DRC8: variants seen among roughly 807,000 people sequenced by gnomAD.
DRC8 encodes the protein dynein regulatory complex subunit 8, also known as dynein regulatory complex protein 8.
chr1:245,085,799 A>G, the DRC8 span, among the ~76,000 whole-genome samples: 1 of 152,228 alleles, frequency 6.6e-6, no homozygotes, highest in Non-Finnish European at 1.5e-5. Flanking sequence ...TTTTGAGGGC[A>G]CCCAAATAAG....
chr1:245,008,345 GA>G, the DRC8 span, among the ~76,000 whole-genome samples: 2 of 152,024 alleles, frequency 1.3e-5, no homozygotes, highest in Non-Finnish European at 2.9e-5. Context: ...AAATTTATAA[GA>G]AAATAAAACA....
At chr1:244,971,882 GAT>G in the DRC8 span, among the ~76,000 whole-genome samples, 6 of 144,888 alleles carry the variant, frequency 4.1e-5, no homozygotes, top group African/African-American at 1.5e-4. Flanking sequence ...GCTTTACGAA[GAT>G]GCCCTTACAT....
At chr1:245,018,610 A>G in the DRC8 span, among the ~76,000 whole-genome samples, 1 of 152,084 alleles carries the variant, frequency 6.6e-6, no homozygotes, top group Non-Finnish European at 1.5e-5. Context: ...ATGAATGACA[A>G]GTGCCTTGAC....
chr1:245,035,402 T>A, the DRC8 span, among the ~76,000 whole-genome samples: 1 of 152,128 alleles, frequency 6.6e-6, no homozygotes, highest in Admixed American at 6.5e-5. Flanking sequence ...GAATTGAGTC[T>A]GGAAATAAAC....
chr1:245,002,312 A>G, the DRC8 span: 1 of 1,173,612 alleles, frequency 8.5e-7, no homozygotes, highest in Non-Finnish European at 1.2e-6. Context: ...GCTTCCTTCC[A>G]GTTAAGTTAT....
the DRC8 span, among the ~76,000 whole-genome samples, chr1:245,103,677 A>G: frequency 1.3e-5 from 2 of 151,636 alleles, no homozygotes; most frequent in African/African-American, 2.4e-5. Context: ...TCAGTCCTCC[A>G]CCCTGTGAGG....
the DRC8 span, among the ~76,000 whole-genome samples, chr1:245,105,035 G>A: frequency 6.6e-6 from 1 of 152,190 alleles, no homozygotes; most frequent in Non-Finnish European, 1.5e-5. Context: ...TTGCATTTCT[G>A]TGGTTGTGTT....
the DRC8 span, among the ~76,000 whole-genome samples, chr1:244,999,058 C>CAAAAAAAAAA: frequency 4.9e-4 from 41 of 83,648 alleles, no homozygotes; most frequent in Non-Finnish European, 6.4e-4. Flanking sequence ...GATCCTGGGT[C>CAAAAAAAAAA]AAAAAAAAAA....
At chr1:245,104,594 C>G in the DRC8 span, among the ~76,000 whole-genome samples, 1 of 152,014 alleles carries the variant, frequency 6.6e-6, no homozygotes, top group Non-Finnish European at 1.5e-5. Context: ...GCCAATCTTG[C>G]TTCACCTATT....
At chr1:244,991,042 G>A in the DRC8 span, among the ~76,000 whole-genome samples, 1 of 152,166 alleles carries the variant, frequency 6.6e-6, no homozygotes, top group Non-Finnish European at 1.5e-5. Context: ...CCCTAGGAAA[G>A]TAGGCTAACT....
At chr1:245,036,213 C>T in the DRC8 span, among the ~76,000 whole-genome samples, 151 of 152,194 alleles carry the variant, frequency 9.9e-4, no homozygotes, top group African/African-American at 3.5e-3. Flanking sequence ...AAAATGTGGA[C>T]AAAGTATTTG....
At chr1:245,083,799 G>A in the DRC8 span, 1 of 1,422,746 alleles carries the variant, frequency 7.0e-7, no homozygotes, top group Non-Finnish European at 9.3e-7. Context: ...TCTGGTGAAA[G>A]TTATTTACTG....
the DRC8 span, among the ~76,000 whole-genome samples, chr1:244,975,132 G>A: frequency 2.0e-5 from 3 of 151,944 alleles, no homozygotes; most frequent in Non-Finnish European, 4.4e-5. Flanking sequence ...GGGTTTCACC[G>A]TATTAGCCAG....
the DRC8 span, among the ~76,000 whole-genome samples, chr1:245,029,961 C>A: frequency 6.6e-6 from 1 of 152,116 alleles, no homozygotes. Context: ...AAGTGGGGAG[C>A]CAGAGGCTGT....
chr1:245,057,126 C>T, the DRC8 span, among the ~76,000 whole-genome samples: 3 of 152,060 alleles, frequency 2.0e-5, no homozygotes, highest in Admixed American at 1.3e-4. Context: ...AGGTTTGAAC[C>T]GTTGGCTGTG....
At chr1:245,025,011 A>G in the DRC8 span, among the ~76,000 whole-genome samples, 3 of 151,598 alleles carry the variant, frequency 2.0e-5, no homozygotes, top group East Asian at 1.9e-4. Flanking sequence ...TCTGTCATCT[A>G]TCTTTTCACT....
chr1:245,118,590 G>A, the DRC8 span, among the ~76,000 whole-genome samples: 1 of 152,088 alleles, frequency 6.6e-6, no homozygotes, highest in Admixed American at 6.6e-5. Context: ...TCGGGAGTAC[G>A]AGATCAGCCT....
the DRC8 span, among the ~76,000 whole-genome samples, chr1:245,058,898 G>A: frequency 6.6e-6 from 1 of 152,182 alleles, no homozygotes; most frequent in South Asian, 2.1e-4. Flanking sequence ...CTACCAGGTA[G>A]GCTTATGCAC....
the DRC8 span, among the ~76,000 whole-genome samples, chr1:245,099,521 T>C: frequency 1.3e-5 from 2 of 152,198 alleles, no homozygotes; most frequent in Non-Finnish European, 2.9e-5. Context: ...CCACAGGCCC[T>C]GTCAACAGCC....
Sources: allele counts gnomAD v4.1 joint callset (sites outside exome capture counted in the v4.1 genomes callset), GRCh38; gene constraint gnomAD v4.1.1; transcripts MANE v1.5; gene names NCBI Gene and HGNC (gene_info 2026-07-23, HGNC 2026-07-21).